NKX2-2: variants seen among roughly 807,000 people sequenced by gnomAD.
The protein encoded by NKX2-2 is NK2 homeobox 2.
NKX2-2 carries 8 observed loss-of-function variants against 24.6 expected under a neutral mutation model. That is an observed-to-expected ratio of 0.32 (90% confidence interval 0.19 to 0.59). The LOEUF (loss-of-function observed/expected upper bound fraction) is 0.59. NKX2-2 is among the 20% of genes least tolerant of loss of function. The pLI, the probability that NKX2-2 is intolerant of heterozygous loss-of-function variation, is 0.86. For synonymous variants in NKX2-2, 217 were observed against 173.3 expected (o/e 1.25, Z -1.98); for missense variants, 381 against 373.9 (o/e 1.02, Z -0.16).
the NKX2-2 span, among the ~76,000 whole-genome samples, chr20:21,521,040 G>A: frequency 1.4e-4 from 21 of 152,134 alleles, no homozygotes; most frequent in African/African-American, 5.1e-4. Flanking sequence ...AGGCTGATGT[G>A]AAAAGTAGTT....
chr20:21,514,699 T>C (rs1980573945), upstream of NKX2-2, among the ~76,000 whole-genome samples: 1 of 152,210 alleles, frequency 6.6e-6, no homozygotes, highest in East Asian at 1.9e-4. Context: ...CTCCTTTCCA[T>C]CGTTGGTGGT....
At chr20:21,519,059 G>A (rs1482677186), upstream of NKX2-2, among the ~76,000 whole-genome samples, 1 of 152,164 alleles carries the variant, frequency 6.6e-6, no homozygotes, top group Non-Finnish European at 1.5e-5. Context: ...TAAAGAGGGG[G>A]CGACCTTGAG....
upstream of NKX2-2, among the ~76,000 whole-genome samples, chr20:21,518,226 C>G (rs4462845): frequency 0.27 from 41,522 of 151,948 alleles, 5,665 homozygotes; most frequent in Non-Finnish European, 0.29. Context: ...GTCTCCTTAG[C>G]GTCCCGAACA....
the NKX2-2 span, among the ~76,000 whole-genome samples, chr20:21,519,807 T>G: frequency 1.3e-5 from 2 of 152,154 alleles, no homozygotes; most frequent in Non-Finnish European, 2.9e-5. Context: ...CCCTTCTGTC[T>G]GTGGGGTGGC....
chr20:21,519,038 G>A (rs138019760), upstream of NKX2-2, among the ~76,000 whole-genome samples: 1,087 of 152,238 alleles, frequency 7.1e-3, 22 homozygotes, highest in African/African-American at 0.025. Flanking sequence ...GTGGGGTCTT[G>A]GGGCCTGCTC....
At chr20:21,518,403 G>C (rs564679069), upstream of NKX2-2, among the ~76,000 whole-genome samples, 9 of 152,322 alleles carry the variant, frequency 5.9e-5, no homozygotes, top group Non-Finnish European at 1.2e-4. Flanking sequence ...GCAGGAGAGG[G>C]GAGGAAGAGA....
upstream of NKX2-2, among the ~76,000 whole-genome samples, chr20:21,514,342 C>A (rs1278906028): frequency 2.6e-5 from 4 of 151,508 alleles, no homozygotes; most frequent in African/African-American, 9.7e-5. Flanking sequence ...CAGCCAACGG[C>A]CCTCTAGAGC....
the NKX2-2 span, among the ~76,000 whole-genome samples, chr20:21,520,373 C>G: frequency 1.3e-5 from 2 of 152,204 alleles, no homozygotes; most frequent in Admixed American, 1.3e-4. Context: ...CCTCCCACCA[C>G]AAAAGGGGCA....
At chr20:21,522,394 G>C in the NKX2-2 span, among the ~76,000 whole-genome samples, 1 of 152,144 alleles carries the variant, frequency 6.6e-6, no homozygotes, top group South Asian at 2.1e-4. Flanking sequence ...GCGTTCCCGC[G>C]CCGGGCGGCT....
upstream of NKX2-2, among the ~76,000 whole-genome samples, chr20:21,517,684 C>T (rs527769272): frequency 2.0e-5 from 3 of 152,338 alleles, no homozygotes; most frequent in African/African-American, 7.2e-5. Flanking sequence ...CCAGTGTCTC[C>T]TCAATTTCTT....
upstream of NKX2-2, among the ~76,000 whole-genome samples, chr20:21,516,268 C>G (rs1337121500): frequency 6.6e-6 from 1 of 152,170 alleles, no homozygotes; most frequent in African/African-American, 2.4e-5. Flanking sequence ...CGACGCTCCC[C>G]GATTCCTCTT....
chr20:21,513,779 G>T lies in NKX2-2; in HGVS notation c.-110C>A. On this transcript the variant is annotated 5_prime_UTR_variant, in exon 1 of 2. Coordinates refer to ENST00000377142, the MANE Select transcript of NKX2-2 (RefSeq NM_002509.4). This position sits in a 1 kb window ranked among gnomAD's most constrained non-coding sequence, Gnocchi z 4.6. ...AGGGGGGAGTTGGGGGGAGGGACTG[G>T]GGGAGGGGAGGGGGGAATTGGCTTT... 1.9e-6 allele frequency: 1 copy of T among 531,268 alleles called. No homozygotes were observed. 32.9% of individuals were successfully genotyped at this position (531,268 alleles called of 1,614,324 possible). A position where few individuals can be genotyped will look rare whatever the true frequency, so the allele number is the denominator to read the frequency against.
At chr20:21,517,204 C>G (rs942554650), upstream of NKX2-2, among the ~76,000 whole-genome samples, 4 of 152,214 alleles carry the variant, frequency 2.6e-5, no homozygotes, top group Non-Finnish European at 5.9e-5. Flanking sequence ...TCTCAGCTTG[C>G]GGTGTCCTCT....
rs1452000972 is a variant in NKX2-2 at position 21,513,678 on chromosome 20, A to T, written c.-9T>A. 7.2e-7 allele frequency: 1 copy of T among 1,381,732 alleles called. No individual in the cohort carries two copies. Among genetic ancestry groups the T allele is most frequent in the Admixed American group, 2.5e-5 (1 of 39,882 alleles). The allele number at this position is 1,381,732 out of a possible 1,614,324, so 85.6% of individuals were successfully genotyped here. A position where few individuals can be genotyped will look rare whatever the true frequency, so the allele number is the denominator to read the frequency against. ...GTGTTGGTCAGCGACATGGTTCGAG[A>T]CCCCAAAATTTATGTCGCAAAGTTG... is the stretch of plus-strand genomic sequence containing the variant. On this transcript the variant is annotated 5_prime_UTR_variant, in exon 1 of 2. Coordinates refer to ENST00000377142, the MANE Select transcript of NKX2-2 (RefSeq NM_002509.4). This position sits in a 1 kb window ranked among gnomAD's most constrained non-coding sequence, Gnocchi z 4.6.
In NKX2-2 at chr20:21,511,837, C is replaced by A; in HGVS notation, c.*86G>T. 1.1e-6 allele frequency: 1 copy of A among 946,138 alleles called. No homozygotes were observed. Among genetic ancestry groups the A allele is most frequent in the Non-Finnish European group, 1.5e-6 (1 of 650,022 alleles). 58.6% of individuals were successfully genotyped at this position (946,138 alleles called of 1,614,324 possible). On this transcript the variant is annotated 3_prime_UTR_variant, in exon 2 of 2. Transcript: ENST00000377142. ...ATAATAATTATAATAATAATAATAA[C>A]CACCATAAGGACCGAGGCCTCCTCG...
Position 21,512,128 on chromosome 20 carries a change from G to C in NKX2-2, c.617C>G (p.Pro206Arg). Residue 206 changes from proline to arginine, a missense_variant, in exon 2 of 2, where the codon CCC becomes CGC. Physicochemically the swap from Pro to Arg is moderately radical, Grantham distance 103 (BLOSUM62 -2). Around this residue, in one of 3 missense-constraint regions of NKX2-2, gnomAD observed 139 missense variants for 121.7 expected, o/e 1.14. Coordinates refer to ENST00000377142, the MANE Select transcript of NKX2-2 (RefSeq NM_002509.4). ...TGGTTTGCCGTCCCTGACCAAGACG[G>C]GCACGGCCACCCGGCGCGGCGAGGG... ...PLPSPRRVAV[P>R]VLVRDGKPCH... The C allele has an allele frequency of 6.2e-7, 1 of 1,613,750 alleles. No individual in the cohort carries two copies. Among genetic ancestry groups the C allele is most frequent in the African/African-American group, 1.3e-5 (1 of 75,060 alleles).
rs1451570757 is a variant in NKX2-2 at position 21,513,700 on chromosome 20, G to C, written c.-31C>G. 1 of 1,284,146 alleles carries C rather than the reference G, an allele frequency of 7.8e-7. No homozygotes were observed. Among genetic ancestry groups the C allele is most frequent in the East Asian group, 4.6e-5 (1 of 21,584 alleles). 79.5% of individuals were successfully genotyped at this position (1,284,146 alleles called of 1,614,324 possible). ...GAGACCCCAAAATTTATGTCGCAAA[G>C]TTGTAGCTTCACTTGGTCAATTCGT... On this transcript the variant is annotated 5_prime_UTR_variant, in exon 1 of 2. Coordinates refer to ENST00000377142, the MANE Select transcript of NKX2-2 (RefSeq NM_002509.4). The surrounding 1 kb of genome is among the most constrained non-coding windows in gnomAD (Gnocchi z 4.6).
Position 21,511,177 on chromosome 20 carries a change from G to T in NKX2-2, c.*746C>A, listed in dbSNP as rs1039240429. 13 of 152,634 alleles carry T rather than the reference G, an allele frequency of 8.5e-5. No homozygotes were observed. Among genetic ancestry groups the T allele is most frequent in the African/African-American group, 3.1e-4 (13 of 41,456 alleles). 9.5% of individuals were successfully genotyped at this position (152,634 alleles called of 1,614,324 possible). On this transcript the variant is annotated 3_prime_UTR_variant, in exon 2 of 2. Coordinates refer to ENST00000377142, the MANE Select transcript of NKX2-2 (RefSeq NM_002509.4). ...GGGCAGAGGGCTCCCTGCCTACAGGGTTTTCTTTTCCATATTTGAGAAATG... is the reference window on the plus strand; with the variant it reads ...GGGCAGAGGGCTCCCTGCCTACAGGTTTTTCTTTTCCATATTTGAGAAATG...
At chr20:21,517,780 G>A (rs1373192648), upstream of NKX2-2, among the ~76,000 whole-genome samples, 1 of 152,174 alleles carries the variant, frequency 6.6e-6, no homozygotes, top group East Asian at 1.9e-4. Flanking sequence ...TGCATCCTGA[G>A]GACTCCCCAA....
Sources: allele counts gnomAD v4.1 joint callset (sites outside exome capture counted in the v4.1 genomes callset), GRCh38; gene constraint gnomAD v4.1.1; regional missense constraint gnomAD v4.1.1; non-coding constraint Gnocchi (gnomAD v3.1); transcripts MANE v1.5; gene names NCBI Gene and HGNC (gene_info 2026-07-23, HGNC 2026-07-21).